The following GOLPH3 variants were observed in gnomAD, a reference collection of about 807,000 sequenced individuals.
GOLPH3 encodes the protein golgi phosphoprotein 3, also known as coat protein GPP34.
In GOLPH3, 14 loss-of-function variants were observed where a neutral mutation model predicts 28.5. The observed-to-expected ratio is 0.49, with a 90% CI of 0.32 to 0.77. GOLPH3 has a LOEUF of 0.77. GOLPH3 is among the 30% of genes least tolerant of loss of function. The pLI, the probability that GOLPH3 is intolerant of heterozygous loss-of-function variation, is 0.03. For synonymous variants in GOLPH3, 158 were observed against 159.2 expected (o/e 0.99, Z 0.06); for missense variants, 350 against 393.7 (o/e 0.89, Z 0.94).
chr5:32,170,709 C>CG (rs1265845607), intron 1 of GOLPH3, among the ~76,000 whole-genome samples: 1 of 151,804 alleles, frequency 6.6e-6, no homozygotes, highest in Non-Finnish European at 1.5e-5. Flanking sequence ...CTACTCAGGG[C>CG]GGATCACTTG....
At chr5:32,153,027 G>A (rs1746343448) in intron 1 of GOLPH3, among the ~76,000 whole-genome samples, 1 of 152,092 alleles carries the variant, frequency 6.6e-6, no homozygotes, top group Admixed American at 6.5e-5. Context: ...ATATGCATAT[G>A]GTTATTGTGA....
rs764919742 is a variant in GOLPH3, at chr5:32,126,259, T to C, written c.850A>G (p.Asn284Asp). Residue 284 changes from asparagine (N) to aspartate (D), a missense_variant, in exon 4 of 4, where the codon AAC becomes GAC. Physicochemically the swap from Asn to Asp is conservative, Grantham distance 23. Transcript: ENST00000265070. Reference sequence around the variant, plus strand: ...ACCGCCCACAGAACCTCATTGGTGTTGGCCTTCAGACATTCCACTTCAGGG... The same window carrying C: ...ACCGCCCACAGAACCTCATTGGTGTCGGCCTTCAGACATTCCACTTCAGGG... Reference protein sequence around the residue: ...LDPEVECLKANTNEVLWAVVA... With the variant: ...LDPEVECLKADTNEVLWAVVA... 1.2e-6 allele frequency: 2 copies of C among 1,614,144 alleles called. No homozygotes were observed. Among genetic ancestry groups the C allele is most frequent in the Non-Finnish European group, 1.7e-6 (2 of 1,179,996 alleles).
intron 1 of GOLPH3, among the ~76,000 whole-genome samples, chr5:32,148,585 CAGG>C (rs1367695030): frequency 6.6e-6 from 1 of 152,180 alleles, no homozygotes; most frequent in Non-Finnish European, 1.5e-5. Flanking sequence ...ATCACGATGT[CAGG>C]AGATCGAGAC....
chr5:32,166,990 TA>T (rs886145673), intron 1 of GOLPH3, among the ~76,000 whole-genome samples: 2 of 151,604 alleles, frequency 1.3e-5, no homozygotes, highest in African/African-American at 2.4e-5. Context: ...TGCAAAGACA[TA>T]AAAAAGTGTA....
chr5:32,154,075 G>A (rs1034809930), intron 1 of GOLPH3, among the ~76,000 whole-genome samples: 2 of 152,126 alleles, frequency 1.3e-5, no homozygotes, highest in Non-Finnish European at 2.9e-5. Flanking sequence ...TAGGCTAAAA[G>A]TGAGACAATT....
At chr5:32,153,098 T>C (rs973625206) in intron 1 of GOLPH3, among the ~76,000 whole-genome samples, 1 of 152,178 alleles carries the variant, frequency 6.6e-6, no homozygotes, top group Non-Finnish European at 1.5e-5. Context: ...AGGGACTGGA[T>C]GAATATACAA....
chr5:32,131,784 G>A (rs189237180), intron 3 of GOLPH3, among the ~76,000 whole-genome samples: 23 of 152,298 alleles, frequency 1.5e-4, no homozygotes, highest in African/African-American at 4.1e-4. Context: ...ATGACATGCT[G>A]ACAGGTACCT....
chr5:32,135,740 A>G (rs1314712375), intron 2 of GOLPH3, 54 bp from the exon 3 acceptor site: 1 of 991,932 alleles, frequency 1.0e-6, no homozygotes, highest in Non-Finnish European at 1.6e-6. Context: ...TTCTGAGTTG[A>G]TCTCATTAAA....
At chr5:32,137,267 T>C (rs984276096) in intron 2 of GOLPH3, among the ~76,000 whole-genome samples, 1 of 151,762 alleles carries the variant, frequency 6.6e-6, no homozygotes, top group Non-Finnish European at 1.5e-5. Flanking sequence ...CCCTGAAAGG[T>C]TTCTTTTAAA....
At chr5:32,168,702 A>G (rs1459669473) in intron 1 of GOLPH3, among the ~76,000 whole-genome samples, 1 of 152,180 alleles carries the variant, frequency 6.6e-6, no homozygotes, top group African/African-American at 2.4e-5. Flanking sequence ...AAAGGTCTCC[A>G]AAAAACCCTA....
intron 1 of GOLPH3, among the ~76,000 whole-genome samples, chr5:32,152,018 T>C (rs894812089): frequency 2.6e-5 from 4 of 152,202 alleles, no homozygotes. Context: ...GGAGAAGTTC[T>C]GGAGAGGGAT....
chr5:32,146,876 A>G (rs543793998), intron 1 of GOLPH3, among the ~76,000 whole-genome samples: 4 of 152,236 alleles, frequency 2.6e-5, no homozygotes, highest in South Asian at 2.1e-4. Flanking sequence ...CACACATAAA[A>G]TATACTAACA....
At chr5:32,170,523 G>A (rs529306511) in intron 1 of GOLPH3, among the ~76,000 whole-genome samples, 3 of 152,294 alleles carry the variant, frequency 2.0e-5, no homozygotes, top group Admixed American at 6.5e-5. Context: ...TAGCATAAAC[G>A]CCTGGGCTCA....
intron 3 of GOLPH3, among the ~76,000 whole-genome samples, chr5:32,129,056 G>A (rs1386224240): frequency 6.6e-6 from 1 of 151,872 alleles, no homozygotes; most frequent in African/African-American, 2.4e-5. Flanking sequence ...GTAGCAGGTG[G>A]CTGTAATCCC....
rs969565537 is a variant in GOLPH3, at chr5:32,124,912, T to C, written c.*1300A>G. On this transcript the variant is annotated 3_prime_UTR_variant, in exon 4 of 4. Coordinates refer to ENST00000265070, the MANE Select transcript of GOLPH3 (RefSeq NM_022130.4). The stretch of plus-strand genomic sequence containing the variant: ...ACATGGACTATGGTAATAAAAAATT[T>C]TGACATTTAATTTGTTCAACATATA... 6.6e-6 allele frequency: 1 copy of C among 152,620 alleles called. No individual in the cohort carries two copies. The highest frequency in any genetic ancestry group is 6.5e-5 in the Admixed American group (1 of 15,282). 9.5% of individuals were successfully genotyped at this position (152,620 alleles called of 1,614,324 possible).
chr5:32,138,535 G>A (rs1017776117), intron 2 of GOLPH3, among the ~76,000 whole-genome samples: 5 of 151,572 alleles, frequency 3.3e-5, no homozygotes, highest in Admixed American at 2.0e-4. Context: ...ATCCCTCCCC[G>A]CTCTTAAATT....
At chr5:32,142,773 TG>T (rs1423891028) in intron 2 of GOLPH3, among the ~76,000 whole-genome samples, 2 of 143,136 alleles carry the variant, frequency 1.4e-5, no homozygotes, top group Non-Finnish European at 3.0e-5. Flanking sequence ...CCGCCCCTAC[TG>T]GGAAGTGAGG....
At chr5:32,165,828 A>G (rs1363647976) in intron 1 of GOLPH3, among the ~76,000 whole-genome samples, 1 of 152,220 alleles carries the variant, frequency 6.6e-6, no homozygotes, top group Non-Finnish European at 1.5e-5. Flanking sequence ...CTGCTTCTAA[A>G]TGTCATTTAG....
At position 32,158,023 on chromosome 5, in the gene GOLPH3, T is replaced by TACACACACACAC. The variant is rs368465798; in HGVS notation, c.226-14155_226-14144dup. ...TAAATAAATAAATAAATAAATAAAA[T>TACACACACACAC]ACACACACACACACACACACACACA... On this transcript the variant is annotated intron_variant, in intron 1 of 3. Coordinates refer to ENST00000265070, the MANE Select transcript of GOLPH3 (RefSeq NM_022130.4). 6.0e-4 allele frequency among the ~76,000 whole-genome samples: 16 copies of TACACACACACAC among 26,760 alleles called. 2 individuals carry two copies. Among genetic ancestry groups the TACACACACACAC allele is most frequent in the Non-Finnish European group, 9.8e-4 (13 of 13,318 alleles). The allele number at this position is 26,760 out of a possible 152,430, so 17.6% of individuals were successfully genotyped here.
Sources: gnomAD v4.1 joint callset for allele counts (sites outside exome capture counted in the v4.1 genomes callset) on GRCh38, gnomAD v4.1.1 for gene constraint, MANE v1.5 for transcripts, NCBI Gene and HGNC (gene_info 2026-07-23, HGNC 2026-07-21) for gene names.